EEPD1: variants seen among roughly 807,000 people sequenced by gnomAD.
EEPD1 encodes the protein endonuclease/exonuclease/phosphatase family domain-containing protein 1.
EEPD1 carries 17 observed loss-of-function variants against 46.3 expected under a neutral mutation model. That is an observed-to-expected ratio of 0.37 (90% CI 0.25 to 0.55). EEPD1 has a LOEUF of 0.55. EEPD1 is among the 20% of genes least tolerant of loss of function. The probability of loss-of-function intolerance (pLI) is 0.83; values close to 1 mark genes in which losing one functional copy is unlikely to be tolerated. For missense variants in EEPD1, 673 were observed against 745.6 expected (o/e 0.90, Z 1.13); for synonymous variants, 313 against 315.6 (o/e 0.99, Z 0.09).
rs1386666682 is a variant in EEPD1 at position 36,300,038 on chromosome 7, G to A, written c.*832G>A. ...TTTTGCCTGGAGCACTATTTGTTTA[G>A]TTCTCTTTGCAGGACAAGAATTCTC... On this transcript the variant is annotated 3_prime_UTR_variant, in exon 8 of 8. Transcript: ENST00000242108. 6.6e-6 allele frequency: 1 copy of A among 152,298 alleles called. No homozygotes were observed. The allele number at this position is 152,298 out of a possible 1,614,324, so 9.4% of individuals were successfully genotyped here. A position where few individuals can be genotyped will look rare whatever the true frequency, so the allele number is the denominator to read the frequency against.
intron 2 of EEPD1, among the ~76,000 whole-genome samples, chr7:36,183,364 C>G (rs184533831): frequency 2.0e-4 from 30 of 152,302 alleles, no homozygotes; most frequent in African/African-American, 7.2e-4. Flanking sequence ...GGTCACGTCT[C>G]CCTGTGAGAT....
chr7:36,185,223 C>A (rs1028668490), intron 2 of EEPD1, among the ~76,000 whole-genome samples: 1 of 152,224 alleles, frequency 6.6e-6, no homozygotes, highest in African/African-American at 2.4e-5. Context: ...CATCGTTGCA[C>A]TTCTCATAAA....
intron 2 of EEPD1, among the ~76,000 whole-genome samples, chr7:36,196,786 C>T (rs1305799762): frequency 6.6e-6 from 1 of 152,194 alleles, no homozygotes; most frequent in African/African-American, 2.4e-5. Context: ...CAGCCGCCTG[C>T]CTTGGCCCCC....
At chr7:36,192,997 C>T (rs1019123927) in intron 2 of EEPD1, among the ~76,000 whole-genome samples, 4 of 152,152 alleles carry the variant, frequency 2.6e-5, no homozygotes, top group Admixed American at 1.3e-4. Context: ...AGTGGGGATG[C>T]GCAGCGAGGG....
chr7:36,241,532 G>C (rs960845330), intron 3 of EEPD1, among the ~76,000 whole-genome samples: 2 of 152,096 alleles, frequency 1.3e-5, no homozygotes, highest in Non-Finnish European at 2.9e-5. Context: ...GTGGAGCCTA[G>C]TGCTGGGGTG....
intron 6 of EEPD1, 53 bp downstream of exon 6, chr7:36,287,830 G>A: frequency 6.3e-7 from 1 of 1,593,904 alleles, no homozygotes; most frequent in Non-Finnish European, 8.6e-7. Flanking sequence ...GAGCAGCAGG[G>A]CTGCCTCTTC....
rs147526569 is a variant in EEPD1, at chr7:36,225,500, C to T, written c.879-13485C>T. ...CATTCTGAACAAACTCAGAAAGAGACGGCCACATCTGAGCATACCCTGGGA... is the reference window on the plus strand; with the variant it reads ...CATTCTGAACAAACTCAGAAAGAGATGGCCACATCTGAGCATACCCTGGGA... On this transcript the variant is annotated intron_variant, in intron 2 of 7. Coordinates refer to ENST00000242108, the MANE Select transcript of EEPD1 (RefSeq NM_030636.3). The surrounding 1 kb of genome is among the most constrained non-coding windows in gnomAD (Gnocchi z 4.2). Among the ~76,000 whole-genome samples, 401 of 152,174 alleles carry T rather than the reference C, an allele frequency of 2.6e-3. 8 individuals are homozygous for T. Among genetic ancestry groups the T allele is most frequent in the African/African-American group, 9.6e-4 (40 of 41,502 alleles).
intron 2 of EEPD1, among the ~76,000 whole-genome samples, chr7:36,235,347 C>A (rs1786414499): frequency 6.6e-6 from 1 of 152,278 alleles, no homozygotes; most frequent in South Asian, 2.1e-4. Context: ...TTCTGTCACC[C>A]TGGTTGCTGG....
chr7:36,295,363 A>G (rs960967283), intron 6 of EEPD1, among the ~76,000 whole-genome samples: 1 of 152,184 alleles, frequency 6.6e-6, no homozygotes, highest in Non-Finnish European at 1.5e-5. Flanking sequence ...AGTCAATGAC[A>G]TAGTACTGGA....
chr7:36,249,644 C>T (rs757541380), intron 3 of EEPD1, among the ~76,000 whole-genome samples: 1 of 152,096 alleles, frequency 6.6e-6, no homozygotes, highest in Non-Finnish European at 1.5e-5. Flanking sequence ...GAGAATAAGC[C>T]GCTGTACCTA....
intron 2 of EEPD1, among the ~76,000 whole-genome samples, chr7:36,157,771 A>G (rs1480148385): frequency 6.6e-6 from 1 of 152,208 alleles, no homozygotes; most frequent in East Asian, 1.9e-4. Context: ...CCTTCAGAGT[A>G]GGGTGAGTGC....
In EEPD1 at chr7:36,248,785, TCTC is replaced by T. The variant is rs1215662399; in HGVS notation, c.930+9752_930+9754del. On this transcript the variant is annotated intron_variant, in intron 3 of 7. Coordinates refer to ENST00000242108, the MANE Select transcript of EEPD1 (RefSeq NM_030636.3). ...TTCTATCAGCAGGAAGATGGCAACTTCTCCTTGAAAGAGCTGGTGAGCAGATTG... is the reference window on the plus strand; with the variant it reads ...TTCTATCAGCAGGAAGATGGCAACTTCTTGAAAGAGCTGGTGAGCAGATTG... 3.3e-5 allele frequency among the ~76,000 whole-genome samples: 5 copies of T among 151,980 alleles called. No individual in the cohort carries two copies. In the East Asian group the frequency reaches 9.7e-4, roughly 29 times the overall value.
chr7:36,254,878 T>C (rs1333311559), intron 3 of EEPD1, among the ~76,000 whole-genome samples: 1 of 152,252 alleles, frequency 6.6e-6, no homozygotes, highest in Non-Finnish European at 1.5e-5. Context: ...TGCATTTCTC[T>C]AATGACCAGT....
At chr7:36,164,184 C>T (rs1273049895) in intron 2 of EEPD1, among the ~76,000 whole-genome samples, 1 of 152,190 alleles carries the variant, frequency 6.6e-6, no homozygotes, top group East Asian at 1.9e-4. Flanking sequence ...GTCTTAACCA[C>T]ACTTATTTTG....
In EEPD1 at chr7:36,180,774, C is replaced by T. The variant is rs181082635; in HGVS notation, c.878+25572C>T. On this transcript the variant is annotated intron_variant, in intron 2 of 7. Transcript: ENST00000242108. ...TCGGGCTCCTTCCCTGCTCTGTGCC[C>T]GCTGGGACAGTAGTCTTCAGTCATA... 7.2e-4 allele frequency among the ~76,000 whole-genome samples: 109 copies of T among 152,208 alleles called. 2 individuals carry two copies. Among genetic ancestry groups the T allele is most frequent in the Middle Eastern group, 6.8e-3 (2 of 294 alleles).
intron 2 of EEPD1, among the ~76,000 whole-genome samples, chr7:36,182,046 A>T (rs1362618553): frequency 6.6e-6 from 1 of 152,222 alleles, no homozygotes; most frequent in African/African-American, 2.4e-5. Flanking sequence ...CATGGGGGAA[A>T]GTAAAATCTA....
intron 2 of EEPD1, among the ~76,000 whole-genome samples, chr7:36,221,027 C>A (rs144221421): frequency 0.011 from 1,741 of 152,194 alleles, 15 homozygotes; most frequent in Non-Finnish European, 0.019. Context: ...CAAGCTGGTC[C>A]AGAACTCCTC....
At chr7:36,260,314 C>T (rs894749088) in intron 3 of EEPD1, among the ~76,000 whole-genome samples, 2 of 152,154 alleles carry the variant, frequency 1.3e-5, no homozygotes, top group African/African-American at 4.8e-5. Context: ...GATAGTTTTC[C>T]TGGATGTAAG....
chr7:36,211,187 T>C (rs1785924558), intron 2 of EEPD1, among the ~76,000 whole-genome samples: 1 of 152,210 alleles, frequency 6.6e-6, no homozygotes, highest in African/African-American at 2.4e-5. Context: ...TTCGGTGCCC[T>C]TCGGTGCCCA....
Sources: gnomAD v4.1 joint callset for allele counts (sites outside exome capture counted in the v4.1 genomes callset) on GRCh38, gnomAD v4.1.1 for gene constraint, Gnocchi (gnomAD v3.1) non-coding constraint, MANE v1.5 for transcripts, NCBI Gene and HGNC (gene_info 2026-07-23, HGNC 2026-07-21) for gene names.